The following IRS1 variants were observed in gnomAD, a reference collection of about 807,000 sequenced individuals.
IRS1 encodes the protein insulin receptor substrate 1.
IRS1 carries 34 observed loss-of-function variants against 65.6 expected under a neutral mutation model. The observed-to-expected ratio is 0.52, with a 90% confidence interval of 0.39 to 0.69. The LOEUF (loss-of-function observed/expected upper bound fraction) is 0.69. IRS1 is among the 30% of genes least tolerant of loss of function. The pLI, the probability that IRS1 is intolerant of heterozygous loss-of-function variation, is 0.00. For missense variants in IRS1, 1,641 were observed against 1,720.2 expected (o/e 0.95, Z 0.81); for synonymous variants, 699 against 683.5 (o/e 1.02, Z -0.35).
rs1938265061 is a variant in IRS1 at position 226,733,252 on chromosome 2, C to G, written c.*3020G>C. 1 of 152,040 alleles carries G rather than the reference C, an allele frequency of 6.6e-6. No homozygotes were observed. Among genetic ancestry groups the G allele is most frequent in the African/African-American group, 2.4e-5 (1 of 41,404 alleles). The allele number at this position is 152,040 out of a possible 1,614,324, so 9.4% of individuals were successfully genotyped here. On this transcript the variant is annotated 3_prime_UTR_variant, in exon 2 of 2. Coordinates refer to ENST00000305123, the MANE Select transcript of IRS1 (RefSeq NM_005544.3). ...TTAAATGATAGCTAGAAGACAAAAG[C>G]CAGGGAAAGAAAGGTTAAAAATCTC...
chr2:226,763,598 C>G (rs1396701561), intron 1 of IRS1, among the ~76,000 whole-genome samples: 1 of 152,188 alleles, frequency 6.6e-6, no homozygotes, highest in Non-Finnish European at 1.5e-5. Flanking sequence ...CCTTGACTAG[C>G]TACATTCCAA....
At chr2:226,775,250 T>C (rs1214712924) in intron 1 of IRS1, among the ~76,000 whole-genome samples, 1 of 152,210 alleles carries the variant, frequency 6.6e-6, no homozygotes, top group Non-Finnish European at 1.5e-5. Flanking sequence ...CCTATAAGAC[T>C]AAAGGCAAAA....
rs140103054 is a variant in IRS1 at position 226,799,139 on chromosome 2, AGC to A, written c.-403_-402del. 56,091 of 1,113,226 alleles carry A rather than the reference AGC, an allele frequency of 0.05. 1,500 individuals carry two copies. The highest frequency in any genetic ancestry group is 0.055 in the Non-Finnish European group (49,016 of 897,944). 69.0% of individuals were successfully genotyped at this position (1,113,226 alleles called of 1,614,324 possible). A position where few individuals can be genotyped will look rare whatever the true frequency, so the allele number is the denominator to read the frequency against. ...GGGGTCCCTGCGGTGCCCCTCCAGG[AGC>A]GCGCGCGCGCGCGCGCCTTCCCTCC... is the stretch of plus-strand genomic sequence containing the variant. On this transcript the variant is annotated 5_prime_UTR_variant, in exon 1 of 2. It removes the in-frame stop codon of an upstream open reading frame in the 5' UTR. Coordinates refer to ENST00000305123, the MANE Select transcript of IRS1 (RefSeq NM_005544.3). The surrounding 1 kb of genome is among the most constrained non-coding windows in gnomAD (Gnocchi z 6.1).
chr2:226,798,039 C>T lies in IRS1; in HGVS notation c.700G>A (p.Gly234Arg), dbSNP rs942813013. The change falls in exon 1 of 2, where the codon GGG becomes AGG. Residue 234 changes from glycine to arginine, a missense_variant. This residue lies in a region of IRS1 where 77 missense variants were observed against 129.6 expected (regional missense o/e 0.59). Transcript: ENST00000305123. The surrounding 1 kb of genome is among the most constrained non-coding windows in gnomAD (Gnocchi z 9.4). Reference protein sequence around the residue: ...EVGRSAVTGPGEFWMQVDDSV... With the variant: ...EVGRSAVTGPREFWMQVDDSV... ...TCATCCACCTGCATCCAGAACTCCC[C>T]GGGCCCCGTCACGGCAGAACGGCCC... 6.2e-7 allele frequency: 1 copy of T among 1,614,082 alleles called. No homozygotes were observed. The highest frequency in any genetic ancestry group is 8.5e-7 in the Non-Finnish European group (1 of 1,180,022).
At chr2:226,777,207 T>C (rs998254116) in intron 1 of IRS1, among the ~76,000 whole-genome samples, 1 of 152,186 alleles carries the variant, frequency 6.6e-6, no homozygotes, top group Non-Finnish European at 1.5e-5. Context: ...TGTATTATAC[T>C]AATGCAAGAT....
At chr2:226,776,473 A>G (rs1174276352) in intron 1 of IRS1, among the ~76,000 whole-genome samples, 1 of 152,166 alleles carries the variant, frequency 6.6e-6, no homozygotes, top group East Asian at 1.9e-4. Context: ...GGCTAAATTT[A>G]TAGCAGAAAA....
rs141391800 is a variant in IRS1 at position 226,795,602 on chromosome 2, C to A, written c.3137G>T (p.Gly1046Val). The A allele has an allele frequency of 6.2e-7, 1 of 1,612,428 alleles. No individual in the cohort carries two copies. The highest frequency in any genetic ancestry group is 1.3e-5 in the African/African-American group (1 of 74,924). Residue 1046 changes from glycine (G) to valine (V), a missense_variant, in exon 1 of 2, where the codon GGG becomes GTG. Around this residue, in one of 3 missense-constraint regions of IRS1, gnomAD observed 1,324 missense variants for 1,361.0 expected, o/e 0.97. Coordinates refer to ENST00000305123, the MANE Select transcript of IRS1 (RefSeq NM_005544.3). ...AGCCAGCTCTGCTGCCCCTTGAGGC[C>A]CAGTCGGGGAAGCAGAGGCTGCTGA... ...SSSAASASPT[G>V]PQGAAELAAH...
rs138168335 is a variant in IRS1 at position 226,745,970 on chromosome 2, G to A, written c.*22-9720C>T. Among the ~76,000 whole-genome samples the A allele has an allele frequency of 2.5e-3, 379 of 152,294 alleles. 4 individuals carry two copies. The highest frequency in any genetic ancestry group is 2.7e-3 in the Non-Finnish European group (181 of 68,030). ...AAGTAGCAGTAGTAGTAAGGCTAAA[G>A]ATATGATATGTAATACAACGTTATA... On this transcript the variant is annotated intron_variant, in intron 1 of 1. Coordinates refer to ENST00000305123, the MANE Select transcript of IRS1 (RefSeq NM_005544.3).
chr2:226,777,308 T>TA (rs1034394593), intron 1 of IRS1, among the ~76,000 whole-genome samples: 2 of 152,158 alleles, frequency 1.3e-5, no homozygotes, highest in African/African-American at 2.4e-5. Context: ...TGTCCTGAAA[T>TA]AAAAAAGTGT....
chr2:226,744,192 A>T (rs190909722), intron 1 of IRS1, among the ~76,000 whole-genome samples: 109 of 152,300 alleles, frequency 7.2e-4, no homozygotes, highest in Admixed American at 2.6e-3. Context: ...GAAGTGGGAA[A>T]ACCTGTGTTT....
chr2:226,791,282 C>T (rs1939590140), intron 1 of IRS1, among the ~76,000 whole-genome samples: 1 of 152,084 alleles, frequency 6.6e-6, no homozygotes, highest in African/African-American at 2.4e-5. Context: ...CCCGCAGGCC[C>T]GCAGCCACGT....
chr2:226,768,550 T>C (rs1939100528), intron 1 of IRS1, among the ~76,000 whole-genome samples: 1 of 152,244 alleles, frequency 6.6e-6, no homozygotes. Context: ...AATGTTTGTG[T>C]GCTAAATATT....
intron 1 of IRS1, among the ~76,000 whole-genome samples, chr2:226,738,090 A>G (rs563359115): frequency 7.3e-4 from 111 of 152,306 alleles, no homozygotes; most frequent in Non-Finnish European, 1.1e-3. Flanking sequence ...ACAAGCTAAG[A>G]GGACTTTATC....
chr2:226,790,995 C>A (rs994056672), intron 1 of IRS1, among the ~76,000 whole-genome samples: 1 of 152,182 alleles, frequency 6.6e-6, no homozygotes, highest in African/African-American at 2.4e-5. Flanking sequence ...ACACACTACC[C>A]AAACCCTTGT....
chr2:226,789,786 T>TA, intron 1 of IRS1, among the ~76,000 whole-genome samples: 1 of 152,256 alleles, frequency 6.6e-6, no homozygotes, highest in Admixed American at 6.5e-5. Context: ...ATTTTATTTT[T>TA]AAAAAGGCGG....
chr2:226,755,361 T>C (rs1267186569), intron 1 of IRS1, among the ~76,000 whole-genome samples: 1 of 152,166 alleles, frequency 6.6e-6, no homozygotes, highest in African/African-American at 2.4e-5. Context: ...ATGCTGTACT[T>C]TGAGAAGGGG....
intron 1 of IRS1, among the ~76,000 whole-genome samples, chr2:226,757,934 T>G (rs1938838005): frequency 6.6e-6 from 1 of 152,248 alleles, no homozygotes; most frequent in African/African-American, 2.4e-5. Context: ...ATCACATTTG[T>G]GTTTTTAGCC....
chr2:226,754,511 C>G (rs568867039), intron 1 of IRS1, among the ~76,000 whole-genome samples: 1 of 152,176 alleles, frequency 6.6e-6, no homozygotes, highest in South Asian at 2.1e-4. Context: ...ACAAGAAAAC[C>G]GAGGTTTAGA....
chr2:226,762,357 C>CAAA (rs67318812), intron 1 of IRS1, among the ~76,000 whole-genome samples: 3 of 119,832 alleles, frequency 2.5e-5, no homozygotes, highest in African/African-American at 7.3e-5. Flanking sequence ...CATAAAAATG[C>CAAA]AAAAAAAAAA....
Sources: allele counts gnomAD v4.1 joint callset (sites outside exome capture counted in the v4.1 genomes callset), GRCh38; gene constraint gnomAD v4.1.1; regional missense constraint gnomAD v4.1.1; non-coding constraint Gnocchi (gnomAD v3.1); transcripts MANE v1.5; gene names NCBI Gene and HGNC (gene_info 2026-07-23, HGNC 2026-07-21).